PCDHA7: variants seen among roughly 807,000 people sequenced by gnomAD.
PCDHA7 encodes protocadherin alpha-7.
In PCDHA7, 37 loss-of-function variants were observed where a neutral mutation model predicts 57.2. That is an observed-to-expected ratio of 0.65 (90% CI 0.50 to 0.85). The LOEUF is 0.85. Ranked by LOEUF, PCDHA7 falls within the 40% of genes least tolerant of loss-of-function variation. PCDHA7 has a pLI of 0.00. For synonymous variants in PCDHA7, 553 were observed against 558.8 expected (o/e 0.99, Z 0.15); for missense variants, 1,188 against 1,241.8 (o/e 0.96, Z 0.65).
chr5:140,909,462 C>T (rs2074519059), intron 1 of PCDHA7, among the ~76,000 whole-genome samples: 1 of 152,212 alleles, frequency 6.6e-6, no homozygotes, highest in Non-Finnish European at 1.5e-5. Flanking sequence ...ATCCATCTGT[C>T]TTCTTCACAG....
chr5:140,968,371 C>T (rs1554230646), intron 1 of PCDHA7: 3 of 1,614,088 alleles, frequency 1.9e-6, no homozygotes, highest in Non-Finnish European at 2.5e-6. Context: ...ATGCTGTCAA[C>T]TCCTTTGACT....
At chr5:140,950,384 T>C (rs1242946878) in intron 1 of PCDHA7, among the ~76,000 whole-genome samples, 8 of 152,028 alleles carry the variant, frequency 5.3e-5, no homozygotes, top group Non-Finnish European at 8.8e-5. Context: ...TCCATTTGAA[T>C]GATATAGAAT....
At chr5:140,844,738 A>G (rs1554140712) in intron 1 of PCDHA7, among the ~76,000 whole-genome samples, 2 of 149,560 alleles carry the variant, frequency 1.3e-5, no homozygotes, top group African/African-American at 4.9e-5. Context: ...AATATTTAGT[A>G]TTATGGGATA....
At chr5:140,964,548 G>C (rs1468417797) in intron 1 of PCDHA7, among the ~76,000 whole-genome samples, 1 of 152,102 alleles carries the variant, frequency 6.6e-6, no homozygotes, top group East Asian at 1.9e-4. Context: ...AGATGGCAGC[G>C]ACTTGGAGGG....
chr5:140,870,552 G>A, intron 1 of PCDHA7: 2 of 1,614,042 alleles, frequency 1.2e-6, no homozygotes, highest in Non-Finnish European at 1.7e-6. Context: ...ACGCGGACGC[G>A]CAGGAGAACG....
intron 1 of PCDHA7, among the ~76,000 whole-genome samples, chr5:140,971,158 C>T (rs1554233066): frequency 6.6e-6 from 1 of 152,172 alleles, no homozygotes; most frequent in African/African-American, 2.4e-5. Context: ...AGGCCAGGCT[C>T]AGCTTTGCCA....
intron 1 of PCDHA7, among the ~76,000 whole-genome samples, chr5:140,960,324 G>A (rs2095540604): frequency 6.6e-6 from 1 of 152,168 alleles, no homozygotes; most frequent in Non-Finnish European, 1.5e-5. Context: ...AGGGTCCTGT[G>A]AGAAGTACAT....
At chr5:140,871,313 C>T (rs371295919) in intron 1 of PCDHA7, 2 of 1,614,042 alleles carry the variant, frequency 1.2e-6, no homozygotes, top group Non-Finnish European at 1.7e-6. Flanking sequence ...GGGAAGCCCA[C>T]GCTGGTGTGC....
At chr5:140,927,063 C>G in intron 1 of PCDHA7, 1 of 1,611,332 alleles carries the variant, frequency 6.2e-7, no homozygotes. Context: ...ACTTTCGCTT[C>G]CTTTCCAGCC....
chr5:140,955,030 A>T (rs1453200706), intron 1 of PCDHA7, among the ~76,000 whole-genome samples: 2 of 152,312 alleles, frequency 1.3e-5, no homozygotes, highest in African/African-American at 4.8e-5. Context: ...TTAAATAGGG[A>T]ATCTTTTCCT....
intron 1 of PCDHA7, chr5:140,876,781 G>A: frequency 6.2e-7 from 1 of 1,614,240 alleles, no homozygotes; most frequent in Non-Finnish European, 8.5e-7. Flanking sequence ...TTCGCTGTGG[G>A]CCACGGCTAG....
rs113635864 is a variant in PCDHA7 at position 140,947,396 on chromosome 5, A to T, written c.2356-31553A>T. On this transcript the variant is annotated intron_variant, in intron 1 of 3. Coordinates refer to ENST00000525929, the MANE Select transcript of PCDHA7 (RefSeq NM_018910.3). ...ATATGTTTATCCTTTCACTAAAAGT[A>T]GACTGTCTTGATATTGTAGCTTTAT... Among the ~76,000 whole-genome samples the T allele has an allele frequency of 7.1e-3, 1,081 of 151,828 alleles. 11 individuals are homozygous for T. The highest frequency in any genetic ancestry group is 0.025 in the African/African-American group (1,045 of 41,538).
intron 1 of PCDHA7, among the ~76,000 whole-genome samples, chr5:140,886,696 C>T (rs564317930): frequency 2.0e-5 from 3 of 151,944 alleles, no homozygotes; most frequent in Non-Finnish European, 2.9e-5. Flanking sequence ...CATGGTGGCA[C>T]GCGCCTGTAA....
chr5:140,877,467 G>A (rs1554169776), intron 1 of PCDHA7: 1 of 1,613,750 alleles, frequency 6.2e-7, no homozygotes, highest in African/African-American at 1.3e-5. Flanking sequence ...CGGCCACGGT[G>A]CTGGTGTCGC....
intron 1 of PCDHA7, chr5:140,928,771 A>C: frequency 6.2e-7 from 1 of 1,613,998 alleles, no homozygotes; most frequent in Non-Finnish European, 8.5e-7. Context: ...AGTTCTTCCC[A>C]CTGATGCAGT....
Position 140,836,075 on chromosome 5 carries a change from A to G in PCDHA7, c.1692A>G (p.Ala564=), listed in dbSNP as rs2150252045. ...TGGACGAGAACGACAACGCGCCGGC[A>G]CTGCTGGCGCCTCGGGTGGGTGGCA... is the stretch of plus-strand genomic sequence containing the variant. ...FVLDENDNAP[A]LLAPRVGGTG... Residue 564 remains alanine (A), a synonymous_variant, in exon 1 of 4, where the codon GCA becomes GCG. Coordinates refer to ENST00000525929, the MANE Select transcript of PCDHA7 (RefSeq NM_018910.3). The G allele has an allele frequency of 9.3e-6, 15 of 1,613,656 alleles. No homozygotes were observed. Among genetic ancestry groups the G allele is most frequent in the South Asian group, 2.2e-5 (2 of 91,072 alleles).
chr5:140,916,819 C>T (rs2077741305), intron 1 of PCDHA7, among the ~76,000 whole-genome samples: 1 of 152,084 alleles, frequency 6.6e-6, no homozygotes, highest in Non-Finnish European at 1.5e-5. Context: ...CATGTGCCAC[C>T]CCTATCCCTC....
chr5:140,838,676 C>G (rs1236293841), intron 1 of PCDHA7, among the ~76,000 whole-genome samples: 2 of 151,972 alleles, frequency 1.3e-5, no homozygotes, highest in African/African-American at 2.4e-5. Context: ...TGGCACACAC[C>G]TTTAACCCCA....
At chr5:140,861,527 G>A (rs1554154863) in intron 1 of PCDHA7, 2 of 454,914 alleles carry the variant, frequency 4.4e-6, no homozygotes. Flanking sequence ...GGAGGATCTC[G>A]GAGTGCAGCA....
Sources: gnomAD v4.1 joint callset for allele counts (sites outside exome capture counted in the v4.1 genomes callset) on GRCh38, gnomAD v4.1.1 for gene constraint, MANE v1.5 for transcripts, NCBI Gene and HGNC (gene_info 2026-07-23, HGNC 2026-07-21) for gene names.